Variants in SLC71A1 observed in about 807,000 individuals in gnomAD.
SLC71A1 encodes the protein hippocampus abundant gene transcript 1.
the SLC71A1 span, chr1:100,069,526 A>T: frequency 1.3e-6 from 1 of 758,346 alleles, no homozygotes; most frequent in South Asian, 1.6e-5. Flanking sequence ...CTGGCCCATT[A>T]AATGTTAATA....
At chr1:100,050,073 G>A in the SLC71A1 span, 49 of 847,084 alleles carry the variant, frequency 5.8e-5, no homozygotes, top group South Asian at 2.3e-4. Flanking sequence ...GGAGGAAAAT[G>A]TGGGCCTTTT....
chr1:100,054,451 T>A, the SLC71A1 span, among the ~76,000 whole-genome samples: 1 of 152,192 alleles, frequency 6.6e-6, no homozygotes, highest in Non-Finnish European at 1.5e-5. Context: ...TACCTTGTGA[T>A]CCACCCACCT....
At chr1:100,057,833 C>G in the SLC71A1 span, among the ~76,000 whole-genome samples, 1 of 152,202 alleles carries the variant, frequency 6.6e-6, no homozygotes, top group Non-Finnish European at 1.5e-5. Flanking sequence ...CCCTACCTTC[C>G]TTATTACCCA....
the SLC71A1 span, chr1:100,049,906 T>C: frequency 3.9e-4 from 598 of 1,543,888 alleles, 4 homozygotes; most frequent in East Asian, 0.012. Context: ...TTGTTTTTTA[T>C]AGCCTCAAGG....
the SLC71A1 span, among the ~76,000 whole-genome samples, chr1:100,053,148 A>G: frequency 1.3e-5 from 2 of 152,224 alleles, no homozygotes; most frequent in African/African-American, 4.8e-5. Flanking sequence ...ATTAAGAACA[A>G]TATATTAATT....
At chr1:100,082,496 T>G in the SLC71A1 span, 17 of 358,872 alleles carry the variant, frequency 4.7e-5, no homozygotes, top group African/African-American at 3.6e-4. Context: ...ATATGTAACT[T>G]CTTAGATATT....
At chr1:100,060,136 C>A in the SLC71A1 span, 1 of 810,512 alleles carries the variant, frequency 1.2e-6, no homozygotes, top group Non-Finnish European at 1.8e-6. Flanking sequence ...TACATTTATT[C>A]TTTCACACAG....
chr1:100,050,576 C>T, the SLC71A1 span, among the ~76,000 whole-genome samples: 1 of 152,080 alleles, frequency 6.6e-6, no homozygotes, highest in South Asian at 2.1e-4. Flanking sequence ...TGGTAAATAT[C>T]TATACCATCT....
chr1:100,051,164 G>A, the SLC71A1 span, among the ~76,000 whole-genome samples: 4 of 151,314 alleles, frequency 2.6e-5, no homozygotes, highest in East Asian at 7.7e-4. Flanking sequence ...AGGCCAAGGC[G>A]GGTGGATCAC....
At chr1:100,077,960 C>A in the SLC71A1 span, among the ~76,000 whole-genome samples, 1 of 152,164 alleles carries the variant, frequency 6.6e-6, no homozygotes, top group South Asian at 2.1e-4. Flanking sequence ...AAGAGGTGCT[C>A]ACAATTGAAA....
chr1:100,058,784 C>T, the SLC71A1 span: 7 of 851,132 alleles, frequency 8.2e-6, no homozygotes, highest in South Asian at 6.4e-5. Context: ...CATACACGCA[C>T]ACGGATGAAC....
At chr1:100,038,420 T>G in the SLC71A1 span, 7 of 918,942 alleles carry the variant, frequency 7.6e-6, no homozygotes, top group Non-Finnish European at 1.0e-5. Flanking sequence ...CCTCCCTCCC[T>G]TCCCCCACCC....
the SLC71A1 span, among the ~76,000 whole-genome samples, chr1:100,055,613 A>G: frequency 6.6e-6 from 1 of 151,914 alleles, no homozygotes; most frequent in Non-Finnish European, 1.5e-5. Context: ...ATAGGTGTAT[A>G]TATTTATGGG....
chr1:100,075,990 T>C, the SLC71A1 span, among the ~76,000 whole-genome samples: 1 of 152,210 alleles, frequency 6.6e-6, no homozygotes, highest in Non-Finnish European at 1.5e-5. Flanking sequence ...AATGTTTCTT[T>C]CAGTTGAAGT....
the SLC71A1 span, among the ~76,000 whole-genome samples, chr1:100,065,857 T>C: frequency 1.3e-5 from 2 of 151,582 alleles, no homozygotes; most frequent in African/African-American, 4.9e-5. Context: ...TTTCCTTTCC[T>C]CTTTCCTTTC....
At chr1:100,044,129 A>G in the SLC71A1 span, among the ~76,000 whole-genome samples, 1 of 152,214 alleles carries the variant, frequency 6.6e-6, no homozygotes, top group Non-Finnish European at 1.5e-5. Flanking sequence ...GAATCGCCAT[A>G]CTGTTTTCCA....
the SLC71A1 span, chr1:100,068,180 A>G: frequency 3.7e-6 from 6 of 1,613,862 alleles, no homozygotes; most frequent in African/African-American, 8.0e-5. Context: ...CCTGGGAACA[A>G]GCTGACCCTT....
chr1:100,039,137 A>AAAAAC, the SLC71A1 span, among the ~76,000 whole-genome samples: 5 of 152,328 alleles, frequency 3.3e-5, no homozygotes, highest in African/African-American at 4.8e-5. Context: ...TTTTTAATTG[A>AAAAAC]AAAACAAAAC....
the SLC71A1 span, chr1:100,038,364 G>C: frequency 6.8e-7 from 1 of 1,480,906 alleles, no homozygotes; most frequent in Non-Finnish European, 9.2e-7. Context: ...CCCCCATCCG[G>C]TCTCTCCTTC....
Sources: gnomAD v4.1 joint callset for allele counts (sites outside exome capture counted in the v4.1 genomes callset) on GRCh38, gnomAD v4.1.1 for gene constraint, MANE v1.5 for transcripts, NCBI Gene and HGNC (gene_info 2026-07-23, HGNC 2026-07-21) for gene names.